IPP: variants seen among roughly 807,000 people sequenced by gnomAD.
IPP encodes the protein intracisternal A particle-promoted polypeptide, also known as actin-binding protein IPP.
In IPP, 41 loss-of-function variants were observed where a neutral mutation model predicts 64.1. The observed-to-expected ratio is 0.64, with a 90% confidence interval of 0.50 to 0.83. IPP has a LOEUF of 0.83. Ranked by LOEUF, IPP falls within the 40% of genes least tolerant of loss-of-function variation. IPP has a pLI of 0.00. For synonymous variants in IPP, 214 were observed against 235.2 expected, an observed-to-expected ratio of 0.91 and a Z score of 0.83; for missense variants, 649 against 703.0, an observed-to-expected ratio of 0.92 and a Z score of 0.87.
chr1:45,730,276 C>T (rs1012251797), intron 3 of IPP, among the ~76,000 whole-genome samples: 1 of 151,542 alleles, frequency 6.6e-6, no homozygotes. Context: ...CACTTGAGCT[C>T]AGGAAGCAGA....
chr1:45,742,633 A>C (rs1487402934), intron 2 of IPP, among the ~76,000 whole-genome samples: 1 of 152,068 alleles, frequency 6.6e-6, no homozygotes, highest in East Asian at 1.9e-4. Context: ...TCCCACGCTC[A>C]GGTGAGCCTC....
rs1041640952 is a variant in IPP, at chr1:45,740,540, G to C, written c.724+361C>G. ...TCCCTCCCAGACAGGGCGGCTGGCC[G>C]GGCGGGGGGCTGACCCCCCCTAGGA... On this transcript the variant is annotated intron_variant, in intron 3 of 8. Coordinates refer to ENST00000396478, the MANE Select transcript of IPP (RefSeq NM_005897.3). Among the ~76,000 whole-genome samples the C allele has an allele frequency of 2.0e-5, 3 of 151,812 alleles. 1 individual carries two copies. Among genetic ancestry groups the C allele is most frequent in the South Asian group, 4.1e-4 (2 of 4,828 alleles).
chr1:45,710,613 C>A (rs1645576859), intron 8 of IPP, among the ~76,000 whole-genome samples: 3 of 13,950 alleles, frequency 2.2e-4, no homozygotes, highest in African/African-American at 6.8e-4. Context: ...GAGAGCAAGA[C>A]TCTGTCTAAA....
At chr1:45,739,409 CTTTTTTTTTTT>C (rs531027721) in intron 3 of IPP, among the ~76,000 whole-genome samples, 3 of 90,576 alleles carry the variant, frequency 3.3e-5, no homozygotes, top group South Asian at 4.2e-4. Context: ...AATTTTTTGC[CTTTTTTTTTTT>C]TTTTTTTTTT....
chr1:45,705,979 G>C (rs1365354581), intron 8 of IPP, among the ~76,000 whole-genome samples: 1 of 152,144 alleles, frequency 6.6e-6, no homozygotes, highest in East Asian at 1.9e-4. Context: ...GTGCATGATA[G>C]TCAGCTGATA....
chr1:45,741,124 C>T lies in IPP; in HGVS notation c.501G>A (p.Leu167=), dbSNP rs746386503. ...FSENYIHVHF[L]EVHSGEEFLA... is the part of the protein sequence containing the mutation. ...GGAACTCTTCTCCACTATGAACCTC[C>T]AAGAAATGGACATGAATGTAGTTTT... Residue 167 remains leucine (L), a synonymous_variant, in exon 3 of 9, where the codon TTG becomes TTA. Transcript: ENST00000396478. The T allele has an allele frequency of 2.5e-6, 4 of 1,614,114 alleles. No individual in the cohort carries two copies. Among genetic ancestry groups the T allele is most frequent in the East Asian group, 4.5e-5 (2 of 44,876 alleles).
intron 3 of IPP, among the ~76,000 whole-genome samples, chr1:45,737,097 G>A (rs1452172160): frequency 6.6e-6 from 1 of 151,426 alleles, no homozygotes; most frequent in African/African-American, 2.4e-5. Flanking sequence ...ATTTCTAGGG[G>A]ACACTGCCTT....
chr1:45,708,407 G>A (rs1345877699), intron 8 of IPP, among the ~76,000 whole-genome samples: 7 of 150,138 alleles, frequency 4.7e-5, no homozygotes, highest in South Asian at 2.1e-4. Flanking sequence ...GGCCAGGCGC[G>A]GTGGCTCACA....
intron 3 of IPP, among the ~76,000 whole-genome samples, chr1:45,735,796 C>T (rs942761319): frequency 5.3e-5 from 8 of 151,490 alleles, no homozygotes; most frequent in African/African-American, 1.9e-4. Context: ...CACCAGGCCA[C>T]GCCTGGCTAA....
chr1:45,721,900 C>G (rs1645736315), intron 5 of IPP, among the ~76,000 whole-genome samples: 1 of 152,056 alleles, frequency 6.6e-6, no homozygotes. Context: ...GAAACCCTGT[C>G]TCTACTAAAA....
At chr1:45,730,368 A>G (rs1391514263) in intron 3 of IPP, among the ~76,000 whole-genome samples, 1 of 152,164 alleles carries the variant, frequency 6.6e-6, no homozygotes, top group Non-Finnish European at 1.5e-5. Context: ...AAAAAAAAAA[A>G]AAGAAGAATT....
At chr1:45,716,419 AT>A (rs1168635081) in intron 7 of IPP, among the ~76,000 whole-genome samples, 5 of 151,884 alleles carry the variant, frequency 3.3e-5, no homozygotes, top group Non-Finnish European at 2.9e-5. Context: ...TAATTTTTGT[AT>A]TTTTAGTAGA....
chr1:45,746,309 G>A lies in IPP; in HGVS notation c.103C>T (p.His35Tyr), dbSNP rs762562436. 4.3e-6 allele frequency: 7 copies of A among 1,614,086 alleles called. No homozygotes were observed. The highest frequency in any genetic ancestry group is 5.9e-6 in the Non-Finnish European group (7 of 1,179,948). ...AQINKMRNGQ[H>Y]FCDVQLQVGQ... ...ACTTGCAGCTGCACATCACAGAAATGCTGTCCATTTCTCATCTTATTGATT... is the reference window on the plus strand; with the variant it reads ...ACTTGCAGCTGCACATCACAGAAATACTGTCCATTTCTCATCTTATTGATT... Residue 35 changes from histidine (H) to tyrosine (Y), a missense_variant, in exon 2 of 9, where the codon CAT (histidine) becomes TAT (tyrosine). Physicochemically the swap from His to Tyr is moderately conservative, Grantham distance 83 (BLOSUM62 2). Coordinates refer to ENST00000396478, the MANE Select transcript of IPP (RefSeq NM_005897.3).
intron 3 of IPP, among the ~76,000 whole-genome samples, chr1:45,733,481 A>C (rs988108209): frequency 2.7e-5 from 4 of 150,392 alleles, no homozygotes; most frequent in Admixed American, 1.3e-4. Context: ...AAAAAAAAAA[A>C]CCCCAAAATC....
intron 2 of IPP, among the ~76,000 whole-genome samples, chr1:45,741,623 C>CTTT (rs57797396): frequency 1.4e-3 from 130 of 96,124 alleles, no homozygotes; most frequent in Non-Finnish European, 1.8e-3. Flanking sequence ...TTCTTATTTT[C>CTTT]TTTTTTTTTT....
At chr1:45,700,795 A>G (rs1295705805) in intron 8 of IPP, among the ~76,000 whole-genome samples, 1 of 152,256 alleles carries the variant, frequency 6.6e-6, no homozygotes, top group African/African-American at 2.4e-5. Context: ...GAATACAAGT[A>G]GGTAATACAC....
In IPP at chr1:45,714,406, A is replaced by C; in HGVS notation, c.1370T>G (p.Val457Gly). 1.2e-6 allele frequency: 2 copies of C among 1,614,088 alleles called. No individual in the cohort carries two copies. The highest frequency in any genetic ancestry group is 1.7e-6 in the Non-Finnish European group (2 of 1,179,950). The part of the protein sequence containing the change: ...NEGIELRSFE[V>G]YDPLSKRWSP... ...CCAACGCTTAGAAAGTGGATCATAG[A>C]CTTCAAAAGAACGAAGTTCTATTCC... Residue 457 changes from valine to glycine, a missense_variant, in exon 8 of 9, where the codon GTC (valine) becomes GGC (glycine). Transcript: ENST00000396478.
chr1:45,747,341 G>T (rs533513361), intron 1 of IPP, among the ~76,000 whole-genome samples: 2 of 152,110 alleles, frequency 1.3e-5, no homozygotes, highest in South Asian at 4.1e-4. Context: ...ATTAAGAGGT[G>T]AGAAGAAAAG....
chr1:45,716,044 C>T (rs1183369595), intron 7 of IPP, among the ~76,000 whole-genome samples: 1 of 152,134 alleles, frequency 6.6e-6, no homozygotes, highest in African/African-American at 2.4e-5. Flanking sequence ...CAATCCTACA[C>T]AGAGAATTAG....
Sources: gnomAD v4.1 joint callset for allele counts (sites outside exome capture counted in the v4.1 genomes callset) on GRCh38, gnomAD v4.1.1 for gene constraint, MANE v1.5 for transcripts, NCBI Gene and HGNC (gene_info 2026-07-23, HGNC 2026-07-21) for gene names.